The following PDXDC1 variants were observed in gnomAD, a reference collection of about 807,000 sequenced individuals.
PDXDC1 encodes the protein pyridoxal-dependent decarboxylase domain-containing protein 1.
Under a neutral mutation model 100.1 loss-of-function variants are expected in PDXDC1, and 42 were observed. The ratio of observed to expected loss-of-function variants is 0.42; its 90% CI spans 0.33 to 0.54. The LOEUF is 0.54. PDXDC1 is among the 20% of genes least tolerant of loss of function. The probability of loss-of-function intolerance (pLI) is 0.10; values close to 1 mark genes in which losing one functional copy is unlikely to be tolerated. For synonymous variants in PDXDC1, 260 were observed against 371.7 expected, an observed-to-expected ratio of 0.70 and a Z score of 3.46; for missense variants, 636 against 979.2, an observed-to-expected ratio of 0.65 and a Z score of 4.68.
chr16:15,119,522 C>A (rs1598164160), intron 16 of PDXDC1, among the ~76,000 whole-genome samples: 2 of 149,812 alleles, frequency 1.3e-5, no homozygotes, highest in Non-Finnish European at 3.0e-5. Flanking sequence ...GGGCTCAAGC[C>A]ATTCTCCTGC....
At chr16:15,028,987 CCT>C (rs767902170) in intron 15 of PDXDC1, 21 bp downstream of exon 15, 2 of 1,607,822 alleles carry the variant, frequency 1.2e-6, no homozygotes, top group Non-Finnish European at 1.7e-6. Flanking sequence ...CAGTCACCCC[CCT>C]TTCCTTTCAG....
downstream of PDXDC1, among the ~76,000 whole-genome samples, chr16:15,140,594 C>T (rs902575928): frequency 2.0e-5 from 3 of 152,118 alleles, no homozygotes; most frequent in Non-Finnish European, 4.4e-5. Context: ...CCCATGTCAG[C>T]AGTCAGTGAA....
the PDXDC1 span, among the ~76,000 whole-genome samples, chr16:15,147,090 T>A: frequency 8.7e-5 from 10 of 114,738 alleles, no homozygotes; most frequent in African/African-American, 3.6e-4. Context: ...GAGGGAGAGG[T>A]GGGAGGGGCT....
intron 16 of PDXDC1, among the ~76,000 whole-genome samples, chr16:15,051,135 G>C (rs1287695013): frequency 1.3e-5 from 2 of 152,232 alleles, no homozygotes; most frequent in African/African-American, 4.8e-5. Flanking sequence ...GGGAAGGGAA[G>C]AGAAGGGAGG....
At chr16:15,071,922 A>G (rs2045248989) in intron 16 of PDXDC1, among the ~76,000 whole-genome samples, 1 of 152,206 alleles carries the variant, frequency 6.6e-6, no homozygotes, top group Non-Finnish European at 1.5e-5. Flanking sequence ...TTCACATCCC[A>G]TGGAGCTCCA....
the PDXDC1 span, among the ~76,000 whole-genome samples, chr16:15,149,633 G>A: frequency 2.0e-5 from 3 of 152,250 alleles, no homozygotes; most frequent in South Asian, 4.1e-4. Context: ...CAGGGATGCA[G>A]GTGGGAAAGG....
rs1222625285 is a variant in PDXDC1 at position 15,133,912 on chromosome 16, C to A, written c.1400-4967C>A. ...GACAGGGGGATGGAGGCGCAGCCCT[C>A]CTCCTCGCCAGAGCGGCCCAGCACC... On this transcript the variant is annotated intron_variant, in intron 16 of 16. Transcript: ENST00000535621. 4 of 1,473,072 alleles carry A rather than the reference C, an allele frequency of 2.7e-6. No individual in the cohort carries two copies. In the African/African-American group the frequency reaches 5.5e-5, roughly 20 times the overall value. The allele number at this position is 1,473,072 out of a possible 1,614,324, so 91.3% of individuals were successfully genotyped here. A position where few individuals can be genotyped will look rare whatever the true frequency, so the allele number is the denominator to read the frequency against.
intron 16 of PDXDC1, among the ~76,000 whole-genome samples, chr16:15,114,927 A>T (rs28444911): frequency 4.2e-3 from 218 of 52,464 alleles, no homozygotes; most frequent in Middle Eastern, 0.014. Context: ...AAAAAAAAAA[A>T]TTTTTTTTTT....
chr16:15,029,135 C>T, intron 15 of PDXDC1, 169 bp downstream of exon 15: 1 of 770,238 alleles, frequency 1.3e-6, no homozygotes, highest in Non-Finnish European at 2.2e-6. Flanking sequence ...GTTACCACCT[C>T]ACGAGCTGGG....
chr16:14,975,066 C>G lies in PDXDC1; in HGVS notation c.-134C>G, dbSNP rs1270631779. ...TTCGGCAGCCCGCGGCGCCGCCTGG[C>G]AGCTCCTCCTCTTCTCCGCCCCGCC... On this transcript the variant is annotated 5_prime_UTR_variant, in exon 1 of 23. Transcript: ENST00000396410. 9.3e-6 allele frequency: 14 copies of G among 1,510,318 alleles called. No individual in the cohort carries two copies. In the East Asian group the frequency reaches 3.0e-4, roughly 32 times the overall value. The allele number at this position is 1,510,318 out of a possible 1,614,324, so 93.6% of individuals were successfully genotyped here. A position where few individuals can be genotyped will look rare whatever the true frequency, so the allele number is the denominator to read the frequency against.
intron 16 of PDXDC1, among the ~76,000 whole-genome samples, chr16:15,064,717 C>T (rs552844781): frequency 6.6e-6 from 1 of 152,334 alleles, no homozygotes; most frequent in South Asian, 2.1e-4. Flanking sequence ...GGGGTGCCTG[C>T]GCCACTCGGC....
chr16:15,071,634 G>A (rs1325186390), intron 16 of PDXDC1, among the ~76,000 whole-genome samples: 1 of 152,190 alleles, frequency 6.6e-6, no homozygotes, highest in African/African-American at 2.4e-5. Flanking sequence ...CAGGCATGGT[G>A]GCAGGTGCCT....
intron 16 of PDXDC1, chr16:15,083,597 T>A (rs776035188): frequency 1.3e-6 from 2 of 1,592,520 alleles, no homozygotes; most frequent in South Asian, 2.3e-5. Flanking sequence ...TTTTAAAAAA[T>A]TAAATCAATC....
Position 15,104,168 on chromosome 16 carries a change from G to A in PDXDC1, c.1400-34711G>A, listed in dbSNP as rs1261286417. ...AGCCTGGGTGACAGAGCAAACTCCA[G>A]TCTCAAAAAAAAAAACAAATAATAA... On this transcript the variant is annotated intron_variant, in intron 16 of 16. Transcript: ENST00000535621. 5.4e-5 allele frequency: 37 copies of A among 684,626 alleles called. No homozygotes were observed. The East Asian group carries it at 1.0e-3, about 19-fold the overall frequency. 42.4% of individuals were successfully genotyped at this position (684,626 alleles called of 1,614,324 possible). A position where few individuals can be genotyped will look rare whatever the true frequency, so the allele number is the denominator to read the frequency against.
At chr16:15,140,412 C>G (rs1362143102), downstream of PDXDC1, among the ~76,000 whole-genome samples, 1 of 145,250 alleles carries the variant, frequency 6.9e-6, no homozygotes, top group African/African-American at 2.6e-5. Flanking sequence ...CCCCTGCACT[C>G]CAGCACCCCA....
Position 15,037,695 on chromosome 16 carries a change from A to G in PDXDC1, c.*1420A>G. On this transcript the variant is annotated 3_prime_UTR_variant, in exon 23 of 23. Coordinates refer to ENST00000396410, the MANE Select transcript of PDXDC1 (RefSeq NM_015027.4). ...AGGTTCTTGAAATTGTTACCAGTGAATTCAGTTTATAAATCTTATTACAAA... is the reference window on the plus strand; with the variant it reads ...AGGTTCTTGAAATTGTTACCAGTGAGTTCAGTTTATAAATCTTATTACAAA... The G allele has an allele frequency of 5.2e-6, 1 of 193,010 alleles. No homozygotes were observed. Among genetic ancestry groups the G allele is most frequent in the Non-Finnish European group, 1.0e-5 (1 of 95,952 alleles). 12.0% of individuals were successfully genotyped at this position (193,010 alleles called of 1,614,324 possible). A position where few individuals can be genotyped will look rare whatever the true frequency, so the allele number is the denominator to read the frequency against.
At chr16:15,064,488 TC>T (rs2044868606) in intron 16 of PDXDC1, among the ~76,000 whole-genome samples, 1 of 152,106 alleles carries the variant, frequency 6.6e-6, no homozygotes, top group Admixed American at 6.5e-5. Context: ...CGTTTGTTTT[TC>T]GTTTATCCTG....
At chr16:15,100,519 G>A (rs2046504877) in intron 16 of PDXDC1, among the ~76,000 whole-genome samples, 1 of 152,110 alleles carries the variant, frequency 6.6e-6, no homozygotes, top group Non-Finnish European at 1.5e-5. Flanking sequence ...CTGTTGGGTG[G>A]GGAGGAGGCT....
rs749557348 is a variant in PDXDC1 at position 15,038,001 on chromosome 16, G to C, written c.*1726G>C. 3 of 1,572,974 alleles carry C rather than the reference G, an allele frequency of 1.9e-6. No homozygotes were observed. Among genetic ancestry groups the C allele is most frequent in the Non-Finnish European group, 2.6e-6 (3 of 1,147,900 alleles). ...CCCCACCAATGGTCTGTCAGGCCAAGAAGGTGCTTTCTTTGGTAATTCATG... is the reference window on the plus strand; with the variant it reads ...CCCCACCAATGGTCTGTCAGGCCAACAAGGTGCTTTCTTTGGTAATTCATG... On this transcript the variant is annotated 3_prime_UTR_variant, in exon 23 of 23. Coordinates refer to ENST00000396410, the MANE Select transcript of PDXDC1 (RefSeq NM_015027.4).
Sources: gnomAD v4.1 joint callset for allele counts (sites outside exome capture counted in the v4.1 genomes callset) on GRCh38, gnomAD v4.1.1 for gene constraint, MANE v1.5 for transcripts, NCBI Gene and HGNC (gene_info 2026-07-23, HGNC 2026-07-21) for gene names.